The following ZNF274 variants were observed in gnomAD, a reference collection of about 807,000 sequenced individuals.
ZNF274 encodes the protein zinc finger protein 274.
ZNF274 carries 23 observed loss-of-function variants against 42.5 expected under a neutral mutation model. The observed-to-expected ratio is 0.54, with a 90% CI of 0.39 to 0.77. The LOEUF is 0.77. ZNF274 is among the 30% of genes least tolerant of loss of function. The pLI is 0.00. For synonymous variants in ZNF274, 292 were observed against 305.4 expected (o/e 0.96, Z 0.46); for missense variants, 679 against 806.5 (o/e 0.84, Z 1.91).
intron 5 of ZNF274, chr19:58,209,247 C>T (rs1217867992): frequency 6.6e-6 from 1 of 152,222 alleles, no homozygotes; most frequent in Non-Finnish European, 1.5e-5. Flanking sequence ...AATCATCTGG[C>T]TATAGGCTGT....
chr19:58,210,133 C>T (rs998368525), intron 6 of ZNF274, 60 bp downstream of exon 6: 1 of 1,382,024 alleles, frequency 7.2e-7, no homozygotes, highest in Non-Finnish European at 1.0e-6. Context: ...AGGCCCACCC[C>T]TGAGGCATCC....
At chr19:58,189,036 A>G (rs912232714) in intron 4 of ZNF274, among the ~76,000 whole-genome samples, 28 of 151,950 alleles carry the variant, frequency 1.8e-4, no homozygotes, top group Admixed American at 1.4e-3. Context: ...TTTAGTTCAC[A>G]TTTTCCGCAC....
rs2076066376 is a variant in ZNF274 at position 58,213,321 on chromosome 19, G to A, written c.*178G>A. On this transcript the variant is annotated 3_prime_UTR_variant, in exon 8 of 8. Coordinates refer to ENST00000617501, the MANE Select transcript of ZNF274 (RefSeq NM_133502.3). ...ACATAATGAATAAATAAGAAAATGAGTGAGGAGTTATTAACATCATTTGGA... is the reference window on the plus strand; with the variant it reads ...ACATAATGAATAAATAAGAAAATGAATGAGGAGTTATTAACATCATTTGGA... The A allele has an allele frequency of 1.5e-6, 1 of 654,742 alleles. No individual in the cohort carries two copies. The allele number at this position is 654,742 out of a possible 1,614,324, so 40.6% of individuals were successfully genotyped here.
intron 4 of ZNF274, among the ~76,000 whole-genome samples, chr19:58,205,042 G>A (rs949125724): frequency 3.3e-5 from 5 of 152,196 alleles, no homozygotes; most frequent in Admixed American, 6.5e-5. Context: ...CAGAGGTTGT[G>A]GGTCAGTGCT....
chr19:58,207,761 G>A lies in ZNF274; in HGVS notation c.739+559G>A, dbSNP rs1030302761. On this transcript the variant is annotated intron_variant, in intron 5 of 7. Transcript: ENST00000617501. The surrounding 1 kb of genome is among the most constrained non-coding windows in gnomAD (Gnocchi z 5.6). ...TGCAAAACTCAGAAAAATCGGTTAT[G>A]TTTGTGATGGAAGGGAGCAGAGGTT... is the stretch of plus-strand genomic sequence containing the variant. Among the ~76,000 whole-genome samples the A allele has an allele frequency of 2.6e-5, 4 of 152,328 alleles. No individual in the cohort carries two copies. The highest frequency in any genetic ancestry group is 5.9e-5 in the Non-Finnish European group (4 of 68,028).
In ZNF274 at chr19:58,212,565, C is replaced by T. The variant is rs2076055351; in HGVS notation, c.1384C>T (p.His462Tyr). The T allele has an allele frequency of 6.2e-7, 1 of 1,613,976 alleles. No individual in the cohort carries two copies. The highest frequency in any genetic ancestry group is 1.1e-5 in the South Asian group (1 of 91,084). The change falls in exon 8 of 8, where the codon CAT (histidine) becomes TAT (tyrosine). Residue 462 changes from histidine to tyrosine, a missense_variant. Around this residue, in one of 2 missense-constraint regions of ZNF274, gnomAD observed 456 missense variants for 590.1 expected, o/e 0.77. Transcript: ENST00000617501. The surrounding 1 kb of genome is among the most constrained non-coding windows in gnomAD (Gnocchi z 4.6). Reference sequence around the variant, plus strand: ...TGACTCACAAGTTAAAAGTATGAAACATAATTCACGTGTAAAAATTCATCA... The same window carrying T: ...TGACTCACAAGTTAAAAGTATGAAATATAATTCACGTGTAAAAATTCATCA... The part of the protein sequence containing the change: ...KRDSQVKSMK[H>Y]NSRVKIHQKS...
Position 58,208,776 on chromosome 19 carries a change from A to G in ZNF274, c.740-1185A>G, listed in dbSNP as rs1334424463. The G allele has an allele frequency of 6.6e-6, 1 of 152,254 alleles. No homozygotes were observed. The highest frequency in any genetic ancestry group is 2.1e-4 in the South Asian group (1 of 4,828). The allele number at this position is 152,254 out of a possible 1,614,324, so 9.4% of individuals were successfully genotyped here. On this transcript the variant is annotated intron_variant, in intron 5 of 7. Coordinates refer to ENST00000617501, the MANE Select transcript of ZNF274 (RefSeq NM_133502.3). This position sits in a 1 kb window ranked among gnomAD's most constrained non-coding sequence, Gnocchi z 4.5. ...ATTTGCATTAATCTGAGCCGCTGGC[A>G]TTGTGGCAATTCACTATAACAGCAA...
In ZNF274 at chr19:58,211,413, G is replaced by T. The variant is rs2076038366; in HGVS notation, c.853-147G>T. ...ACCCAGTAGAACTCTTGTGGGCCCT[G>T]GGTTGGTGTCTCTGAGCAAATCCCC... On this transcript the variant is annotated intron_variant, in intron 6 of 7. Coordinates refer to ENST00000617501, the MANE Select transcript of ZNF274 (RefSeq NM_133502.3). This position sits in a 1 kb window ranked among gnomAD's most constrained non-coding sequence, Gnocchi z 4.8. 1.9e-6 allele frequency: 2 copies of T among 1,040,650 alleles called. No homozygotes were observed. Among genetic ancestry groups the T allele is most frequent in the Non-Finnish European group, 2.7e-6 (2 of 740,544 alleles). 64.5% of individuals were successfully genotyped at this position (1,040,650 alleles called of 1,614,324 possible).
chr19:58,190,862 C>T (rs952299067), intron 4 of ZNF274, among the ~76,000 whole-genome samples: 5 of 152,144 alleles, frequency 3.3e-5, no homozygotes, highest in South Asian at 2.1e-4. Flanking sequence ...CACCTAACCC[C>T]CATCCTTGGT....
At chr19:58,205,186 T>C (rs1223471469) in intron 4 of ZNF274, among the ~76,000 whole-genome samples, 2 of 152,236 alleles carry the variant, frequency 1.3e-5, no homozygotes, top group Non-Finnish European at 2.9e-5. Flanking sequence ...GTGGCTTTGC[T>C]AGTTCATGCT....
At chr19:58,196,931 G>T (rs1319422738) in intron 4 of ZNF274, among the ~76,000 whole-genome samples, 1 of 152,146 alleles carries the variant, frequency 6.6e-6, no homozygotes, top group Admixed American at 6.5e-5. Context: ...CTCACACAGG[G>T]AAGAAACCTC....
chr19:58,199,962 C>T (rs2075890735), intron 4 of ZNF274, among the ~76,000 whole-genome samples: 1 of 152,142 alleles, frequency 6.6e-6, no homozygotes, highest in Admixed American at 6.5e-5. Context: ...TCATTCTAGC[C>T]ATCAACCTCT....
chr19:58,185,583 G>T, intron 2 of ZNF274, 129 bp from the exon 3 acceptor site: 1 of 1,016,550 alleles, frequency 9.8e-7, no homozygotes, highest in Admixed American at 3.1e-5. Context: ...CTCAGGATGA[G>T]ACTCCCAAAA....
chr19:58,204,165 A>G (rs1331753465), intron 4 of ZNF274, among the ~76,000 whole-genome samples: 1 of 152,158 alleles, frequency 6.6e-6, no homozygotes, highest in East Asian at 1.9e-4. Context: ...GTCCGGAGAA[A>G]TACCTTCAGG....
rs1203195834 is a variant in ZNF274, at chr19:58,212,587, A to G, written c.1406A>G (p.His469Arg). 2.5e-6 allele frequency: 4 copies of G among 1,614,078 alleles called. No individual in the cohort carries two copies. The highest frequency in any genetic ancestry group is 2.2e-5 in the South Asian group (2 of 91,092). Residue 469 changes from histidine to arginine, a missense_variant, in exon 8 of 8, where the codon CAT (histidine) becomes CGT (arginine). By Grantham distance (29) the His-to-Arg change is conservative. Transcript: ENST00000617501. This position sits in a 1 kb window ranked among gnomAD's most constrained non-coding sequence, Gnocchi z 4.6. ...AAACATAATTCACGTGTAAAAATTCATCAGAAGAGCTGTGAAAGGCAAAAG... is the reference window on the plus strand; with the variant it reads ...AAACATAATTCACGTGTAAAAATTCGTCAGAAGAGCTGTGAAAGGCAAAAG... ...SMKHNSRVKI[H>R]QKSCERQKAK...
rs201563792 is a variant in ZNF274, at chr19:58,212,297, G to C, written c.1116G>C (p.Gln372His). 1 of 1,614,020 alleles carries C rather than the reference G, an allele frequency of 6.2e-7. No homozygotes were observed. Among genetic ancestry groups the C allele is most frequent in the African/African-American group, 1.3e-5 (1 of 75,050 alleles). ...ALSSTLEDTL[Q>H]GGVQEVQDTV... is the part of the protein sequence containing the mutation. ...CCTCTACATTAGAAGATACCTTGCA[G>C]GGTGGGGTCCAGGAAGTCCAAGACA... Residue 372 changes from glutamine to histidine, a missense_variant, in exon 8 of 8, where the codon CAG (glutamine) becomes CAC (histidine). Around this residue, in one of 2 missense-constraint regions of ZNF274, gnomAD observed 456 missense variants for 590.1 expected, o/e 0.77. Coordinates refer to ENST00000617501, the MANE Select transcript of ZNF274 (RefSeq NM_133502.3). The surrounding 1 kb of genome is among the most constrained non-coding windows in gnomAD (Gnocchi z 4.6).
Position 58,207,228 on chromosome 19 carries a change from C to T in ZNF274, c.739+26C>T, listed in dbSNP as rs2075990618. Reference sequence around the variant, plus strand: ...GTAAGTAGAAGGGTGGGTAGAGGGACAGCTTAATGAGGGTGTCTTGGAGTA... The same window carrying T: ...GTAAGTAGAAGGGTGGGTAGAGGGATAGCTTAATGAGGGTGTCTTGGAGTA... On this transcript the variant is annotated intron_variant, in intron 5 of 7. Transcript: ENST00000617501. This position sits in a 1 kb window ranked among gnomAD's most constrained non-coding sequence, Gnocchi z 5.6. The T allele has an allele frequency of 6.3e-7, 1 of 1,587,146 alleles. No individual in the cohort carries two copies. The highest frequency in any genetic ancestry group is 1.2e-5 in the South Asian group (1 of 86,362).
intron 2 of ZNF274, 98 bp downstream of exon 2, chr19:58,184,096 C>G (rs2075666117): frequency 7.3e-7 from 1 of 1,362,128 alleles, no homozygotes; most frequent in Admixed American, 2.1e-5. Context: ...CCCCCATCCT[C>G]CAGAGCACCT....
chr19:58,212,837 G>A lies in ZNF274; in HGVS notation c.1656G>A (p.Gln552=), dbSNP rs2146256969. 1 of 1,614,032 alleles carries A rather than the reference G, an allele frequency of 6.2e-7. No individual in the cohort carries two copies. The highest frequency in any genetic ancestry group is 8.5e-7 in the Non-Finnish European group (1 of 1,179,906). The change falls in exon 8 of 8, where the codon CAG becomes CAA. Residue 552 remains glutamine, a synonymous_variant. Transcript: ENST00000617501. This position sits in a 1 kb window ranked among gnomAD's most constrained non-coding sequence, Gnocchi z 4.6. ...KGFVQSSSLT[Q]HQRVHSGERP... ...TTGTTCAGAGCTCTTCCCTCACACA[G>A]CATCAGAGAGTTCATTCTGGAGAGA...
Sources: gnomAD v4.1 joint callset for allele counts (sites outside exome capture counted in the v4.1 genomes callset) on GRCh38, gnomAD v4.1.1 for gene constraint, gnomAD v4.1.1 regional missense constraint, Gnocchi (gnomAD v3.1) non-coding constraint, MANE v1.5 for transcripts, NCBI Gene and HGNC (gene_info 2026-07-23, HGNC 2026-07-21) for gene names.